The following ADARB2 variants were observed in gnomAD, a reference collection of about 807,000 sequenced individuals.
ADARB2 encodes the protein inactive double-stranded RNA-specific editase B2.
A neutral mutation model predicts 62.2 loss-of-function variants in ADARB2; 25 were observed. The ratio of observed to expected loss-of-function variants is 0.40; its 90% CI spans 0.29 to 0.56. The LOEUF is 0.56. Among genes scored for constraint, ADARB2 ranks in the 20% least tolerant of loss-of-function variants. The probability of loss-of-function intolerance (pLI) is 0.43; values close to 1 mark genes in which losing one functional copy is unlikely to be tolerated. For missense variants in ADARB2, 1,071 were observed against 1,077.4 expected (o/e 0.99, Z 0.08); for synonymous variants, 572 against 500.8 (o/e 1.14, Z -1.90).
chr10:1,493,123 C>A (rs1339615324), intron 1 of ADARB2, among the ~76,000 whole-genome samples: 1 of 152,176 alleles, frequency 6.6e-6, no homozygotes, highest in Non-Finnish European at 1.5e-5. Flanking sequence ...ACAGCCACCA[C>A]CTAATGTACA....
intron 1 of ADARB2, among the ~76,000 whole-genome samples, chr10:1,696,863 G>C (rs956159566): frequency 1.3e-5 from 2 of 152,184 alleles, no homozygotes; most frequent in Non-Finnish European, 2.9e-5. Flanking sequence ...AGCTTCTAGA[G>C]CAAGTTTGTC....
intron 1 of ADARB2, among the ~76,000 whole-genome samples, chr10:1,729,485 G>C (rs1427276311): frequency 6.6e-6 from 1 of 152,186 alleles, no homozygotes; most frequent in Non-Finnish European, 1.5e-5. Context: ...TTGGGGTTTG[G>C]AGGAGGTCAG....
intron 1 of ADARB2, among the ~76,000 whole-genome samples, chr10:1,500,058 A>C (rs1250183811): frequency 6.6e-6 from 1 of 152,192 alleles, no homozygotes; most frequent in African/African-American, 2.4e-5. Context: ...ATTAGGTATC[A>C]CTTGCTTTGT....
At chr10:1,577,644 C>T (rs192119702) in intron 1 of ADARB2, among the ~76,000 whole-genome samples, 41 of 152,210 alleles carry the variant, frequency 2.7e-4, no homozygotes, top group East Asian at 2.5e-3. Context: ...GCCCAGGGGA[C>T]GGTGGGAAAG....
At chr10:1,588,850 A>T (rs1833212282) in intron 1 of ADARB2, among the ~76,000 whole-genome samples, 1 of 152,184 alleles carries the variant, frequency 6.6e-6, no homozygotes, top group Non-Finnish European at 1.5e-5. Flanking sequence ...ATCAAGACAG[A>T]GCTCCTGACA....
At position 1,553,047 on chromosome 10, in the gene ADARB2, C is replaced by G. The variant is rs114270167; in HGVS notation, c.101-173887G>C. On this transcript the variant is annotated intron_variant, in intron 1 of 9. Coordinates refer to ENST00000381312, the MANE Select transcript of ADARB2 (RefSeq NM_018702.4). ...GGGACATGGGGGGAGAGCAGTGTCA[C>G]CCGCAGCTCCCTGCCGGAGACCCTG... Among the ~76,000 whole-genome samples, 814 of 152,316 alleles carry G rather than the reference C, an allele frequency of 5.3e-3. 8 individuals carry two copies. The highest frequency in any genetic ancestry group is 0.019 in the African/African-American group (778 of 41,574).
rs975728942 is a variant in ADARB2, at chr10:1,182,151, T to C, written c.*1042A>G. 2.6e-5 allele frequency: 4 copies of C among 152,290 alleles called. No homozygotes were observed. The South Asian group carries it at 8.3e-4, about 32-fold the overall frequency. The allele number at this position is 152,290 out of a possible 1,614,324, so 9.4% of individuals were successfully genotyped here. ...CTCAAGCTGAAGGTAAAGGTTGTTT[T>C]GATTTTATTTTGTGCTTGCTTTCTA... On this transcript the variant is annotated 3_prime_UTR_variant, in exon 10 of 10. Coordinates refer to ENST00000381312, the MANE Select transcript of ADARB2 (RefSeq NM_018702.4).
At chr10:1,235,132 G>T (rs996686896) in intron 5 of ADARB2, among the ~76,000 whole-genome samples, 3 of 151,302 alleles carry the variant, frequency 2.0e-5, no homozygotes, top group African/African-American at 2.4e-5. Context: ...CTGTGGATTT[G>T]CCAGTGCTGC....
At chr10:1,433,447 G>A (rs1225401667) in intron 1 of ADARB2, among the ~76,000 whole-genome samples, 2 of 152,176 alleles carry the variant, frequency 1.3e-5, no homozygotes, top group African/African-American at 2.4e-5. Context: ...TAAAACGTGT[G>A]GATAAGCTGC....
At chr10:1,199,193 C>G (rs1836949825) in intron 8 of ADARB2, among the ~76,000 whole-genome samples, 1 of 151,458 alleles carries the variant, frequency 6.6e-6, no homozygotes, top group African/African-American at 2.4e-5. Flanking sequence ...CAGCATGAGG[C>G]TGGCGGTGAT....
At chr10:1,612,287 C>A (rs963189988) in intron 1 of ADARB2, among the ~76,000 whole-genome samples, 6 of 149,294 alleles carry the variant, frequency 4.0e-5, no homozygotes, top group African/African-American at 1.6e-4. Flanking sequence ...GCGTGTTCCT[C>A]AAATAGAACA....
At chr10:1,258,413 C>T (rs1831100603) in intron 4 of ADARB2, among the ~76,000 whole-genome samples, 1 of 152,046 alleles carries the variant, frequency 6.6e-6, no homozygotes. Flanking sequence ...TCAGGAAACC[C>T]ATCTCAGCTG....
chr10:1,709,693 C>T (rs966036719), intron 1 of ADARB2, among the ~76,000 whole-genome samples: 2 of 152,172 alleles, frequency 1.3e-5, no homozygotes, highest in African/African-American at 4.8e-5. Context: ...GGGAGAGTTC[C>T]AATGATGCTT....
At chr10:1,391,766 A>C (rs948975905) in intron 1 of ADARB2, among the ~76,000 whole-genome samples, 2 of 91,614 alleles carry the variant, frequency 2.2e-5, no homozygotes, top group African/African-American at 8.7e-5. Flanking sequence ...TAAGAATTGG[A>C]TTTTTTTTTT....
chr10:1,377,712 G>T (rs1375095784), intron 2 of ADARB2, among the ~76,000 whole-genome samples: 1 of 152,042 alleles, frequency 6.6e-6, no homozygotes, highest in African/African-American at 2.4e-5. Flanking sequence ...AGGGAGCACA[G>T]AGTCTGGGCC....
chr10:1,475,061 G>T (rs1831380917), intron 1 of ADARB2, among the ~76,000 whole-genome samples: 1 of 152,188 alleles, frequency 6.6e-6, no homozygotes, highest in African/African-American at 2.4e-5. Flanking sequence ...CTACAGAGCA[G>T]CGGGTGCCAG....
chr10:1,597,686 G>C (rs1029958376), intron 1 of ADARB2, among the ~76,000 whole-genome samples: 1 of 152,218 alleles, frequency 6.6e-6, no homozygotes, highest in Non-Finnish European at 1.5e-5. Context: ...ATGTAAATTA[G>C]TATAGCTTCT....
At chr10:1,540,404 A>T (rs1376923477) in intron 1 of ADARB2, among the ~76,000 whole-genome samples, 1 of 127,276 alleles carries the variant, frequency 7.9e-6, no homozygotes, top group Non-Finnish European at 1.8e-5. Context: ...CGTGAGTCTC[A>T]CCTGCGGCCT....
chr10:1,605,260 C>G (rs1371446970), intron 1 of ADARB2, among the ~76,000 whole-genome samples: 1 of 152,190 alleles, frequency 6.6e-6, no homozygotes, highest in Admixed American at 6.5e-5. Context: ...GTTCCTTCAG[C>G]CTGGGGTTTA....
Sources: allele counts gnomAD v4.1 joint callset (sites outside exome capture counted in the v4.1 genomes callset), GRCh38; gene constraint gnomAD v4.1.1; transcripts MANE v1.5; gene names NCBI Gene and HGNC (gene_info 2026-07-23, HGNC 2026-07-21).